Variants in FGGY observed in about 807,000 individuals in gnomAD.
FGGY encodes the protein FGGY carbohydrate kinase domain-containing protein.
FGGY carries 72 observed loss-of-function variants against 71.3 expected under a neutral mutation model. That is an observed-to-expected ratio of 1.01 (90% CI 0.84 to 1.23). FGGY has a LOEUF of 1.23. Among genes scored for constraint, FGGY ranks in the 50% most tolerant of loss-of-function variants. FGGY has a pLI of 0.00. For missense variants in FGGY, 668 were observed against 682.3 expected (o/e 0.98, Z 0.23); for synonymous variants, 251 against 250.3 (o/e 1.00, Z -0.02).
chr1:59,386,678 A>G (rs1478969116), intron 5 of FGGY, among the ~76,000 whole-genome samples: 1 of 151,828 alleles, frequency 6.6e-6, no homozygotes, highest in Non-Finnish European at 1.5e-5. Flanking sequence ...TCTTTATGGG[A>G]GATTTGTCTT....
chr1:59,549,279 C>T (rs2153698958), intron 7 of FGGY, among the ~76,000 whole-genome samples: 1 of 152,300 alleles, frequency 6.6e-6, no homozygotes, highest in East Asian at 1.9e-4. Context: ...ATTCATCAGT[C>T]AGTTCATTCA....
chr1:59,665,783 C>T (rs1281322277), intron 12 of FGGY, among the ~76,000 whole-genome samples: 1 of 152,062 alleles, frequency 6.6e-6, no homozygotes, highest in East Asian at 1.9e-4. Context: ...ACACCATTCT[C>T]CTGCCTCAGC....
intron 6 of FGGY, among the ~76,000 whole-genome samples, chr1:59,464,912 G>C (rs1004114461): frequency 2.0e-5 from 3 of 152,146 alleles, no homozygotes; most frequent in Admixed American, 6.6e-5. Flanking sequence ...TTCAGGACCA[G>C]ACAGATTCAC....
intron 6 of FGGY, among the ~76,000 whole-genome samples, chr1:59,473,731 A>G (rs1023121491): frequency 2.6e-5 from 4 of 152,172 alleles, no homozygotes; most frequent in Non-Finnish European, 5.9e-5. Flanking sequence ...GAGACTCAAC[A>G]TGGCAGGAGT....
intron 5 of FGGY, among the ~76,000 whole-genome samples, chr1:59,427,063 C>T (rs945573041): frequency 3.3e-5 from 5 of 152,206 alleles, no homozygotes; most frequent in African/African-American, 1.2e-4. Flanking sequence ...CTACCTCACC[C>T]ACCTCTTGCT....
In FGGY at chr1:59,461,770, C is replaced by CTTTTG. The variant is rs150075939; in HGVS notation, c.670+4719_670+4723dup. On this transcript the variant is annotated intron_variant, in intron 6 of 15. Coordinates refer to ENST00000303721, the MANE Select transcript of FGGY (RefSeq NM_018291.5). ...AGAGTGGAGGCCAATATTCAACATT[C>CTTTTG]TTTTGTTTTGTTTTGTTTTGTTTTG... Among the ~76,000 whole-genome samples, 143 of 151,938 alleles carry CTTTTG rather than the reference C, an allele frequency of 9.4e-4. 1 individual carries two copies. The highest frequency in any genetic ancestry group is 2.2e-3 in the African/African-American group (90 of 41,430).
intron 4 of FGGY, among the ~76,000 whole-genome samples, chr1:59,357,518 G>A (rs2054566579): frequency 6.6e-6 from 1 of 152,120 alleles, no homozygotes; most frequent in Non-Finnish European, 1.5e-5. Flanking sequence ...CTTGGTGAAG[G>A]TCCTTTGGGC....
chr1:59,298,687 G>T (rs1159927792), intron 1 of FGGY, among the ~76,000 whole-genome samples: 1 of 152,104 alleles, frequency 6.6e-6, no homozygotes, highest in Non-Finnish European at 1.5e-5. Flanking sequence ...AAAATAATTT[G>T]AGGTAATGAA....
chr1:59,321,045 G>T (rs2046295061), intron 1 of FGGY, among the ~76,000 whole-genome samples: 1 of 152,194 alleles, frequency 6.6e-6, no homozygotes, highest in Non-Finnish European at 1.5e-5. Flanking sequence ...TCATAGTGAG[G>T]AGTAAAGGGG....
At chr1:59,608,568 C>T (rs190440700) in intron 9 of FGGY, among the ~76,000 whole-genome samples, 45 of 152,340 alleles carry the variant, frequency 3.0e-4, no homozygotes, top group South Asian at 4.1e-4. Context: ...CACAGTGGCT[C>T]ATGCCTATAA....
chr1:59,589,605 A>G (rs1029645096), intron 8 of FGGY, among the ~76,000 whole-genome samples: 4 of 152,248 alleles, frequency 2.6e-5, no homozygotes, highest in African/African-American at 9.6e-5. Context: ...CCACAGTGCA[A>G]TCAAAGTAGA....
chr1:59,685,774 A>G (rs1366920474), intron 14 of FGGY, among the ~76,000 whole-genome samples: 3 of 152,008 alleles, frequency 2.0e-5, no homozygotes, highest in African/African-American at 7.2e-5. Context: ...ATTTTTTTTT[A>G]AATGAGGTCT....
chr1:59,463,151 G>T (rs1284388733), intron 6 of FGGY, among the ~76,000 whole-genome samples: 1 of 152,064 alleles, frequency 6.6e-6, no homozygotes, highest in Non-Finnish European at 1.5e-5. Flanking sequence ...ATACTATGCA[G>T]CCATAAAAAA....
chr1:59,676,181 C>T (rs188047899), intron 14 of FGGY, among the ~76,000 whole-genome samples: 6 of 152,168 alleles, frequency 3.9e-5, no homozygotes, highest in Admixed American at 3.9e-4. Context: ...TCTTGACAGT[C>T]ATCCTGCTTG....
chr1:59,649,165 G>A, intron 11 of FGGY, among the ~76,000 whole-genome samples: 1 of 150,712 alleles, frequency 6.6e-6, no homozygotes, highest in East Asian at 1.9e-4. Context: ...TTGTAGTATA[G>A]TTTGAAGTCA....
At chr1:59,436,302 G>A (rs1219722550) in intron 5 of FGGY, among the ~76,000 whole-genome samples, 3 of 151,950 alleles carry the variant, frequency 2.0e-5, no homozygotes, top group African/African-American at 7.3e-5. Flanking sequence ...GTTTCATGGG[G>A]CTGTCTCTTC....
At chr1:59,487,078 T>C (rs2093679271) in intron 6 of FGGY, among the ~76,000 whole-genome samples, 2 of 152,114 alleles carry the variant, frequency 1.3e-5, no homozygotes, top group South Asian at 4.1e-4. Flanking sequence ...TTTCAGTGTA[T>C]ATAGAACTGT....
intron 14 of FGGY, among the ~76,000 whole-genome samples, chr1:59,729,783 C>T (rs1424181251): frequency 6.6e-6 from 1 of 152,104 alleles, no homozygotes; most frequent in Non-Finnish European, 1.5e-5. Flanking sequence ...TGAGCTATGA[C>T]CTTCATAGAT....
intron 15 of FGGY, 151 bp downstream of exon 15, chr1:59,758,143 A>C (rs1212353412): frequency 3.7e-5 from 20 of 539,734 alleles, no homozygotes; most frequent in African/African-American, 5.8e-5. Context: ...AGGTAATGTC[A>C]CCTTCACTTA....
Sources: gnomAD v4.1 joint callset for allele counts (sites outside exome capture counted in the v4.1 genomes callset) on GRCh38, gnomAD v4.1.1 for gene constraint, MANE v1.5 for transcripts, NCBI Gene and HGNC (gene_info 2026-07-23, HGNC 2026-07-21) for gene names.